The following IFT52 variants were observed in gnomAD, a reference collection of about 807,000 sequenced individuals.
IFT52 encodes the protein intraflagellar transport protein 52 homolog.
Under a neutral mutation model 54.4 loss-of-function variants are expected in IFT52, and 44 were observed. The ratio of observed to expected loss-of-function variants is 0.81; its 90% CI spans 0.63 to 1.04. IFT52 has a LOEUF of 1.04. Ranked by LOEUF, IFT52 falls within the 50% of genes least tolerant of loss-of-function variation. IFT52 has a pLI of 0.00. For synonymous variants in IFT52, 181 were observed against 185.3 expected, an observed-to-expected ratio of 0.98 and a Z score of 0.19; for missense variants, 452 against 523.6, an observed-to-expected ratio of 0.86 and a Z score of 1.33.
chr20:43,636,506 G>C (rs929268010), intron 11 of IFT52, among the ~76,000 whole-genome samples: 4 of 152,222 alleles, frequency 2.6e-5, no homozygotes, highest in African/African-American at 9.6e-5. Flanking sequence ...ATCTTGCTTG[G>C]TAGCTTGAAA....
chr20:43,597,010 G>T (rs1238620755), intron 3 of IFT52, among the ~76,000 whole-genome samples: 3 of 150,372 alleles, frequency 2.0e-5, no homozygotes, highest in Non-Finnish European at 4.4e-5. Flanking sequence ...CAAAGTGCTG[G>T]GATTACAGGT....
chr20:43,610,291 CA>C (rs11324612), intron 6 of IFT52, among the ~76,000 whole-genome samples: 67,182 of 89,952 alleles, frequency 0.75, 22,943 homozygotes, highest in African/African-American at 0.81. Flanking sequence ...GACACCAACG[CA>C]AAAAAAAAAA....
intron 1 of IFT52, among the ~76,000 whole-genome samples, chr20:43,593,891 A>G (rs1981723393): frequency 6.6e-6 from 1 of 152,054 alleles, no homozygotes; most frequent in African/African-American, 2.4e-5. Flanking sequence ...AGAATATGGT[A>G]GATCCATGTG....
intron 7 of IFT52, among the ~76,000 whole-genome samples, chr20:43,618,543 G>A (rs898552304): frequency 5.9e-5 from 9 of 152,162 alleles, no homozygotes; most frequent in Middle Eastern, 6.8e-3. Flanking sequence ...GTACAGTGGC[G>A]CGATCTCAGC....
Position 43,645,554 on chromosome 20 carries a change from C to G in IFT52, c.1267-1382C>G, listed in dbSNP as rs1328481911. ...CCTGGGTGACAGAGTAAGACTCTGT[C>G]CCCCCCAAAAAAAGAAGATATTTAT... is the stretch of plus-strand genomic sequence containing the variant. On this transcript the variant is annotated intron_variant, in intron 13 of 13. Coordinates refer to ENST00000373030, the MANE Select transcript of IFT52 (RefSeq NM_016004.5). 4.1e-5 allele frequency among the ~76,000 whole-genome samples: 2 copies of G among 49,314 alleles called. 1 individual carries two copies. Among genetic ancestry groups the G allele is most frequent in the Non-Finnish European group, 9.4e-5 (2 of 21,230 alleles). 32.4% of individuals were successfully genotyped at this position (49,314 alleles called of 152,430 possible).
At chr20:43,621,593 G>A (rs1262239172) in intron 9 of IFT52, among the ~76,000 whole-genome samples, 1 of 152,222 alleles carries the variant, frequency 6.6e-6, no homozygotes, top group Non-Finnish European at 1.5e-5. Flanking sequence ...CTCCTGAGTA[G>A]CTGGGATTAC....
At chr20:43,640,434 T>C (rs1985838620) in intron 12 of IFT52, among the ~76,000 whole-genome samples, 1 of 152,130 alleles carries the variant, frequency 6.6e-6, no homozygotes, top group Admixed American at 6.6e-5. Flanking sequence ...TACTCCAGTC[T>C]GGGTGACAGA....
chr20:43,614,850 G>T (rs1434382478), intron 7 of IFT52, among the ~76,000 whole-genome samples: 1 of 137,168 alleles, frequency 7.3e-6, no homozygotes, highest in African/African-American at 2.8e-5. Context: ...ACTCTGTTGT[G>T]CAGGCTGGAG....
Position 43,642,603 on chromosome 20 carries a change from G to A in IFT52, c.1245G>A (p.Val415=). 4 of 1,614,102 alleles carry A rather than the reference G, an allele frequency of 2.5e-6. No homozygotes were observed. The highest frequency in any genetic ancestry group is 1.1e-5 in the South Asian group (1 of 91,068). The change falls in exon 13 of 14, where the codon GTG becomes GTA. Residue 415 remains valine, a synonymous_variant. Coordinates refer to ENST00000373030, the MANE Select transcript of IFT52 (RefSeq NM_016004.5). ...HILEHVFFQV[V]EFKKLNQEHD... is the part of the protein sequence containing the mutation. ...TTGAGCACGTCTTCTTCCAAGTGGT[G>A]GAGTTCAAGAAATTGAACCAGGTAC...
intron 10 of IFT52, among the ~76,000 whole-genome samples, chr20:43,628,108 T>G (rs766276903): frequency 6.6e-6 from 1 of 152,046 alleles, no homozygotes; most frequent in Non-Finnish European, 1.5e-5. Flanking sequence ...GTTGTATTTT[T>G]AGTAGAGACG....
At chr20:43,619,164 G>A (rs1404269362) in intron 8 of IFT52, 138 bp downstream of exon 8, 1 of 641,226 alleles carries the variant, frequency 1.6e-6, no homozygotes. Context: ...AGAATACAAA[G>A]TCGAGTCAGG....
At chr20:43,639,340 C>T (rs980214122) in intron 12 of IFT52, among the ~76,000 whole-genome samples, 1 of 151,670 alleles carries the variant, frequency 6.6e-6, no homozygotes, top group Non-Finnish European at 1.5e-5. Context: ...GATTTCAAGA[C>T]CAGCTTGGAC....
chr20:43,642,936 G>A lies in IFT52; in HGVS notation c.1266+312G>A, dbSNP rs150728616. 2.6e-3 allele frequency among the ~76,000 whole-genome samples: 396 copies of A among 152,248 alleles called. 11 individuals carry two copies. The South Asian group carries it at 0.051, about 20-fold the overall frequency. The stretch of plus-strand genomic sequence containing the variant: ...AATCCCAACACTTTGGGAGGCTGAG[G>A]TAGGCAGATCACCCGAGGTCAGGAG... On this transcript the variant is annotated intron_variant, in intron 13 of 13. Transcript: ENST00000373030.
intron 1 of IFT52, among the ~76,000 whole-genome samples, 171 bp downstream of exon 1, chr20:43,591,225 C>T (rs1220359782): frequency 6.6e-6 from 1 of 152,188 alleles, no homozygotes; most frequent in Non-Finnish European, 1.5e-5. Context: ...GGCGCCCCGG[C>T]TGGGCGCCCA....
At chr20:43,621,500 C>T (rs565872128) in intron 9 of IFT52, among the ~76,000 whole-genome samples, 85 of 152,212 alleles carry the variant, frequency 5.6e-4, no homozygotes, top group African/African-American at 1.8e-3. Context: ...CTCGCTCTGT[C>T]GCCCAAGGCT....
At chr20:43,596,334 G>A (rs1981956689) in intron 2 of IFT52, 101 bp from the exon 3 acceptor site, 6 of 685,478 alleles carry the variant, frequency 8.8e-6, no homozygotes, top group Admixed American at 2.9e-5. Flanking sequence ...TCATCTCTGA[G>A]CCTCTGTGGC....
At chr20:43,591,823 AGC>A (rs1375370124) in intron 1 of IFT52, among the ~76,000 whole-genome samples, 3 of 152,156 alleles carry the variant, frequency 2.0e-5, no homozygotes, top group Non-Finnish European at 4.4e-5. Flanking sequence ...GGATCCCTTG[AGC>A]CCAGGAGTCA....
chr20:43,596,827 C>T (rs1418986604), intron 3 of IFT52, among the ~76,000 whole-genome samples: 1 of 149,084 alleles, frequency 6.7e-6, no homozygotes, highest in Non-Finnish European at 1.5e-5. Flanking sequence ...CTGCAACCTC[C>T]ACCTCCCGGG....
At chr20:43,618,061 C>T (rs1002807379) in intron 7 of IFT52, among the ~76,000 whole-genome samples, 1 of 151,982 alleles carries the variant, frequency 6.6e-6, no homozygotes, top group African/African-American at 2.4e-5. Flanking sequence ...CTTTAGCTTT[C>T]TATTTGGATC....
Sources: gnomAD v4.1 joint callset for allele counts (sites outside exome capture counted in the v4.1 genomes callset) on GRCh38, gnomAD v4.1.1 for gene constraint, MANE v1.5 for transcripts, NCBI Gene and HGNC (gene_info 2026-07-23, HGNC 2026-07-21) for gene names.